The following SH3KBP1 variants were observed in gnomAD, a reference collection of about 807,000 sequenced individuals.
The protein encoded by SH3KBP1 is SH3 domain containing kinase binding protein 1.
Under a neutral mutation model 50.1 loss-of-function variants are expected in SH3KBP1, and 8 were observed. The observed-to-expected ratio is 0.16, with a 90% CI of 0.09 to 0.29. The LOEUF is 0.29. Ranked by LOEUF, SH3KBP1 falls within the 10% of genes least tolerant of loss-of-function variation. SH3KBP1 has a pLI of 1.00. For missense variants in SH3KBP1, 377 were observed against 535.2 expected (o/e 0.70, Z 2.92); for synonymous variants, 227 against 218.6 (o/e 1.04, Z -0.34).
At chrX:19,561,970 A>C (rs1323429313) in intron 13 of SH3KBP1, among the ~76,000 whole-genome samples, 3 of 109,686 alleles carry the variant, frequency 2.7e-5, no homozygotes, top group Non-Finnish European at 5.7e-5. Context: ...CTGACCTCCA[A>C]CTCCAACCTT....
intron 6 of SH3KBP1, among the ~76,000 whole-genome samples, chrX:19,656,692 T>C (rs1180196102): frequency 8.9e-6 from 1 of 111,806 alleles, no homozygotes; most frequent in East Asian, 2.8e-4. Flanking sequence ...ATGGGAAGCA[T>C]CACAGTGCAG....
At chrX:19,698,882 A>AC (rs2063481928) in intron 4 of SH3KBP1, among the ~76,000 whole-genome samples, 1 of 107,910 alleles carries the variant, frequency 9.3e-6, no homozygotes, top group Non-Finnish European at 1.9e-5. Flanking sequence ...TGCCTCACAC[A>AC]TTGAATGAAT....
intron 12 of SH3KBP1, among the ~76,000 whole-genome samples, chrX:19,583,247 G>A (rs1010908910): frequency 2.8e-5 from 3 of 108,000 alleles, no homozygotes; most frequent in Admixed American, 1.0e-4. Context: ...TCTGCCTCCC[G>A]GGTTCAAGCG....
Position 19,797,362 on chromosome X carries a change from G to C in SH3KBP1, c.162+38763C>G, listed in dbSNP as rs532095548. Among the ~76,000 whole-genome samples the C allele has an allele frequency of 3.6e-5, 4 of 111,775 alleles. No homozygotes were observed. In the South Asian group the frequency reaches 1.5e-3, roughly 42 times the overall value. On this transcript the variant is annotated intron_variant, in intron 2 of 17. Transcript: ENST00000397821. ...AGGGGCATTCCCAGCAGTGAGAATT[G>C]CAAGTGACCAGACGCAGAGACAGTG...
intron 2 of SH3KBP1, among the ~76,000 whole-genome samples, chrX:19,777,205 A>G (rs947372004): frequency 8.9e-6 from 1 of 111,739 alleles, no homozygotes; most frequent in African/African-American, 3.3e-5. Flanking sequence ...AGCTTCCACC[A>G]GCAACTGGCC....
At chrX:19,737,122 G>C (rs1031665651) in intron 3 of SH3KBP1, among the ~76,000 whole-genome samples, 1 of 110,259 alleles carries the variant, frequency 9.1e-6, no homozygotes, top group Non-Finnish European at 1.9e-5. Flanking sequence ...ATGTTGCCCC[G>C]GCTGGTCTTG....
At chrX:19,630,219 T>TC (rs1329995951) in intron 8 of SH3KBP1, among the ~76,000 whole-genome samples, 11 of 111,533 alleles carry the variant, frequency 9.9e-5, no homozygotes, top group African/African-American at 3.6e-4. Context: ...GGCTAGTGAG[T>TC]CCCCCGCTCC....
At chrX:19,590,109 T>TA (rs1394112658) in intron 11 of SH3KBP1, among the ~76,000 whole-genome samples, 4 of 110,669 alleles carry the variant, frequency 3.6e-5, no homozygotes, top group African/African-American at 1.3e-4. Flanking sequence ...ACCCTGTCTC[T>TA]AAAAAAATAA....
chrX:19,815,077 G>A (rs1266810969), intron 2 of SH3KBP1, among the ~76,000 whole-genome samples: 2 of 112,044 alleles, frequency 1.8e-5, no homozygotes, highest in Non-Finnish European at 3.8e-5. Context: ...CCCACAAAGA[G>A]CTGGAGAACT....
intron 8 of SH3KBP1, among the ~76,000 whole-genome samples, chrX:19,631,117 A>G (rs2061564890): frequency 8.9e-6 from 1 of 112,384 alleles, no homozygotes; most frequent in Non-Finnish European, 1.9e-5. Context: ...CCCTGAATAC[A>G]AGAATAAAAC....
At chrX:19,596,306 G>A (rs1461520971) in intron 9 of SH3KBP1, among the ~76,000 whole-genome samples, 1 of 112,118 alleles carries the variant, frequency 8.9e-6, no homozygotes, top group South Asian at 3.7e-4. Context: ...CTCTACTGTA[G>A]CTTATTCAGT....
intron 3 of SH3KBP1, among the ~76,000 whole-genome samples, chrX:19,726,517 T>C (rs1233302542): frequency 1.8e-5 from 2 of 111,200 alleles, no homozygotes; most frequent in Non-Finnish European, 3.8e-5. Context: ...CAGGGGTACA[T>C]TGTGCAGGTT....
chrX:19,683,688 G>C, intron 6 of SH3KBP1, 135 bp downstream of exon 6: 2 of 550,093 alleles, frequency 3.6e-6, no homozygotes, highest in South Asian at 5.8e-5. Flanking sequence ...TAAAAAAGAA[G>C]ACAGGACAAA....
At chrX:19,636,945 T>A in intron 7 of SH3KBP1, among the ~76,000 whole-genome samples, 1 of 112,239 alleles carries the variant, frequency 8.9e-6, no homozygotes, top group Non-Finnish European at 1.9e-5. Context: ...TTCCTTTCCC[T>A]TGGGACAGTA....
In SH3KBP1 at chrX:19,676,789, C is replaced by T. The variant is rs775593142; in HGVS notation, c.726+7034G>A. On this transcript the variant is annotated intron_variant, in intron 6 of 17. Transcript: ENST00000397821. ...CCAAGTAAAAGCTACAATGTGGATA[C>T]CATAAAGGCATTAATTTGGGTGACT... 1.5e-3 allele frequency among the ~76,000 whole-genome samples: 169 copies of T among 112,394 alleles called. 1 individual carries two copies. Among genetic ancestry groups the T allele is most frequent in the African/African-American group, 5.3e-3 (165 of 30,973 alleles).
At chrX:19,662,439 C>T (rs1217542115) in intron 6 of SH3KBP1, among the ~76,000 whole-genome samples, 1 of 112,073 alleles carries the variant, frequency 8.9e-6, no homozygotes, top group Non-Finnish European at 1.9e-5. Context: ...AAGGATAATG[C>T]TTATAGATTC....
chrX:19,756,066 T>C (rs1003092545), intron 2 of SH3KBP1, among the ~76,000 whole-genome samples: 2 of 110,611 alleles, frequency 1.8e-5, no homozygotes, highest in Non-Finnish European at 3.8e-5. Context: ...TAACTCGGTG[T>C]CTGAGGAGTT....
chrX:19,822,809 G>A (rs945370390), intron 2 of SH3KBP1, among the ~76,000 whole-genome samples: 9 of 111,868 alleles, frequency 8.0e-5, no homozygotes, highest in Non-Finnish European at 3.8e-5. Context: ...GGCTAAGTAC[G>A]CACATCCTGG....
intron 3 of SH3KBP1, among the ~76,000 whole-genome samples, chrX:19,739,014 GAAAAAAAAAA>G (rs1167676836): frequency 2.7e-4 from 6 of 22,459 alleles, no homozygotes; most frequent in South Asian, 2.5e-3. Flanking sequence ...CTGCCTCCAA[GAAAAAAAAAA>G]AAAAAAAAAA....
Sources: gnomAD v4.1 joint callset for allele counts (sites outside exome capture counted in the v4.1 genomes callset) on GRCh38, gnomAD v4.1.1 for gene constraint, MANE v1.5 for transcripts, NCBI Gene and HGNC (gene_info 2026-07-23, HGNC 2026-07-21) for gene names.